NEGR1: variants seen among roughly 807,000 people sequenced by gnomAD.
NEGR1 encodes the protein neuronal growth regulator 1, also known as IgLON family member 4.
NEGR1 carries 10 observed loss-of-function variants against 40.9 expected under a neutral mutation model. The observed-to-expected ratio is 0.24, with a 90% CI of 0.15 to 0.42. The LOEUF (loss-of-function observed/expected upper bound fraction) is 0.42, where lower values mean the gene tolerates loss of function less well. Ranked by LOEUF, NEGR1 falls within the 10% of genes least tolerant of loss-of-function variation. NEGR1 has a pLI of 1.00. For missense variants in NEGR1, 352 were observed against 438.9 expected, an observed-to-expected ratio of 0.80 and a Z score of 1.77; for synonymous variants, 185 against 166.8, an observed-to-expected ratio of 1.11 and a Z score of -0.84.
chr1:71,609,739 C>T (rs1304988832), intron 5 of NEGR1, among the ~76,000 whole-genome samples: 2 of 151,984 alleles, frequency 1.3e-5, no homozygotes, highest in African/African-American at 4.8e-5. Context: ...TTCTGTTCAG[C>T]TATTTAGCTG....
At chr1:71,583,001 C>A (rs1425984972) in intron 6 of NEGR1, among the ~76,000 whole-genome samples, 2 of 152,044 alleles carry the variant, frequency 1.3e-5, no homozygotes, top group Non-Finnish European at 2.9e-5. Flanking sequence ...CTGTTTGGTT[C>A]CGTTCTGAAT....
intron 6 of NEGR1, chr1:71,484,934 C>CT (rs902271473): frequency 2.0e-5 from 3 of 151,758 alleles, no homozygotes; most frequent in Non-Finnish European, 4.4e-5. Context: ...ATACAAAACT[C>CT]TGTCTACAAC....
intron 1 of NEGR1, among the ~76,000 whole-genome samples, chr1:72,190,465 A>T (rs1451536536): frequency 6.6e-6 from 1 of 151,606 alleles, no homozygotes; most frequent in Non-Finnish European, 1.5e-5. Flanking sequence ...AACTGAGCAA[A>T]CATGGCTTTA....
rs1646252699 is a variant in NEGR1, at chr1:71,402,414, AG to A, written c.*5031del. 3.9e-5 allele frequency: 6 copies of A among 152,060 alleles called. No homozygotes were observed. Among genetic ancestry groups the A allele is most frequent in the Admixed American group, 2.6e-4 (4 of 15,262 alleles). 9.4% of individuals were successfully genotyped at this position (152,060 alleles called of 1,614,324 possible). On this transcript the variant is annotated 3_prime_UTR_variant, in exon 7 of 7. Coordinates refer to ENST00000357731, the MANE Select transcript of NEGR1 (RefSeq NM_173808.3). ...TTAGACTGAAGGAAAGCCCTGGGAG[AG>A]ATTGGTCTAGCTTTAGGATGACTGT...
rs114038592 is a variant in NEGR1, at chr1:71,411,338, T to C, written c.941-3768A>G. Among the ~76,000 whole-genome samples, 678 of 152,234 alleles carry C rather than the reference T, an allele frequency of 4.5e-3. 8 individuals are homozygous for C. The highest frequency in any genetic ancestry group is 0.016 in the African/African-American group (656 of 41,554). ...AAGACAGATCATTAAGTGGATAATA[T>C]AGGAAGACAGCATGTACTGAACTTT... is the stretch of plus-strand genomic sequence containing the variant. On this transcript the variant is annotated intron_variant, in intron 6 of 6. Transcript: ENST00000357731.
chr1:71,800,913 C>A (rs1040656342), intron 2 of NEGR1, among the ~76,000 whole-genome samples: 3 of 152,108 alleles, frequency 2.0e-5, no homozygotes, highest in African/African-American at 4.8e-5. Flanking sequence ...TGTTTACTGC[C>A]TCATTTTACA....
At chr1:71,670,312 T>C (rs1043768492) in intron 4 of NEGR1, among the ~76,000 whole-genome samples, 1 of 152,140 alleles carries the variant, frequency 6.6e-6, no homozygotes, top group Non-Finnish European at 1.5e-5. Flanking sequence ...TGCTGCCTTG[T>C]TAATGTTCTT....
intron 3 of NEGR1, among the ~76,000 whole-genome samples, chr1:71,711,940 G>T (rs1654108513): frequency 6.6e-6 from 1 of 152,132 alleles, no homozygotes; most frequent in Admixed American, 6.5e-5. Flanking sequence ...TATATTGTAT[G>T]ATTTAATTTA....
chr1:71,713,179 AG>A (rs766194552), intron 3 of NEGR1, among the ~76,000 whole-genome samples: 4 of 152,234 alleles, frequency 2.6e-5, no homozygotes, highest in Non-Finnish European at 5.9e-5. Context: ...ATTATAAGAA[AG>A]GCCTTATGAA....
intron 1 of NEGR1, among the ~76,000 whole-genome samples, chr1:72,231,932 A>G (rs982207362): frequency 6.6e-6 from 1 of 152,176 alleles, no homozygotes; most frequent in Non-Finnish European, 1.5e-5. Context: ...ACTCATATAG[A>G]TGCAGAGGAA....
chr1:71,872,045 AAATAATAC>A (rs1476706819), intron 2 of NEGR1, among the ~76,000 whole-genome samples: 8 of 152,318 alleles, frequency 5.3e-5, no homozygotes, highest in African/African-American at 1.9e-4. Context: ...CTGGCCAGCT[AAATAATAC>A]AATGGAATAA....
chr1:71,634,808 G>T (rs373347228), intron 4 of NEGR1, among the ~76,000 whole-genome samples: 1 of 151,976 alleles, frequency 6.6e-6, no homozygotes. Context: ...TTCATAGAAG[G>T]GTCTTAGATA....
intron 2 of NEGR1, among the ~76,000 whole-genome samples, chr1:71,880,259 T>C (rs754368045): frequency 3.6e-4 from 55 of 152,026 alleles, no homozygotes; most frequent in Non-Finnish European, 6.6e-4. Flanking sequence ...ATTTTATTTA[T>C]ATCCTTCCTA....
rs1324302013 is a variant in NEGR1 at position 71,610,925 on chromosome 1, T to G, written c.788+101A>C. ...TTGCTGGAGAGGAGGCTGCTGAGAA[T>G]CATTCAAGCCAGTTAAAGAAATTGC... On this transcript the variant is annotated intron_variant, in intron 5 of 6. Transcript: ENST00000357731. The G allele has an allele frequency of 4.9e-6, 6 of 1,222,708 alleles. No individual in the cohort carries two copies. In the East Asian group the frequency reaches 1.2e-4, roughly 24 times the overall value. 75.7% of individuals were successfully genotyped at this position (1,222,708 alleles called of 1,614,324 possible).
At chr1:72,030,547 A>T (rs1267051981) in intron 1 of NEGR1, among the ~76,000 whole-genome samples, 1 of 152,200 alleles carries the variant, frequency 6.6e-6, no homozygotes, top group Admixed American at 6.5e-5. Flanking sequence ...TATATGTGTG[A>T]TTATTTTTAT....
At chr1:72,141,578 T>G (rs575106481) in intron 1 of NEGR1, among the ~76,000 whole-genome samples, 1 of 152,034 alleles carries the variant, frequency 6.6e-6, no homozygotes, top group Non-Finnish European at 1.5e-5. Context: ...TTAAAGTTCA[T>G]TTTAACAAAT....
intron 3 of NEGR1, among the ~76,000 whole-genome samples, chr1:71,748,012 C>T (rs529939158): frequency 5.9e-5 from 9 of 152,230 alleles, no homozygotes; most frequent in African/African-American, 2.2e-4. Context: ...CTGAAGCCTT[C>T]TGATTTTGTA....
chr1:72,108,457 G>A (rs960408461), intron 1 of NEGR1, among the ~76,000 whole-genome samples: 1 of 151,518 alleles, frequency 6.6e-6, no homozygotes, highest in South Asian at 2.1e-4. Flanking sequence ...TTTGTAGGTA[G>A]ATAAAAATAA....
At chr1:71,731,678 C>T (rs1250764578) in intron 3 of NEGR1, among the ~76,000 whole-genome samples, 5 of 151,982 alleles carry the variant, frequency 3.3e-5, no homozygotes, top group Non-Finnish European at 7.4e-5. Context: ...CTGGACTTGC[C>T]GAAAGTGATC....
Sources: allele counts gnomAD v4.1 joint callset (sites outside exome capture counted in the v4.1 genomes callset), GRCh38; gene constraint gnomAD v4.1.1; transcripts MANE v1.5; gene names NCBI Gene and HGNC (gene_info 2026-07-23, HGNC 2026-07-21).